The following HERC2 variants were observed in gnomAD, a reference collection of about 807,000 sequenced individuals.
HERC2 encodes E3 ubiquitin-protein ligase HERC2.
In HERC2, 102 loss-of-function variants were observed where a neutral mutation model predicts 537.7. That is an observed-to-expected ratio of 0.19 (90% CI 0.16 to 0.22). The LOEUF (loss-of-function observed/expected upper bound fraction) is 0.22. Ranked by LOEUF, HERC2 falls within the 10% of genes least tolerant of loss-of-function variation. The pLI is 1.00. For missense variants in HERC2, 4,236 were observed against 6,198.2 expected, an observed-to-expected ratio of 0.68 and a Z score of 10.63; for synonymous variants, 2,224 against 2,466.2, an observed-to-expected ratio of 0.90 and a Z score of 2.91.
At chr15:28,321,877 C>G (rs1290971418) in intron 1 of HERC2, among the ~76,000 whole-genome samples, 198 bp downstream of exon 1, 1 of 145,726 alleles carries the variant, frequency 6.9e-6, no homozygotes, top group Non-Finnish European at 1.5e-5. Context: ...AAAAATTACT[C>G]AAAAGGATCG....
rs748290132 is a variant in HERC2 at position 28,210,990 on chromosome 15, T to A, written c.7069+12A>T. The A allele has an allele frequency of 5.8e-5, 74 of 1,281,092 alleles. No homozygotes were observed. Among genetic ancestry groups the A allele is most frequent in the Middle Eastern group, 5.2e-4 (2 of 3,830 alleles). 79.4% of individuals were successfully genotyped at this position (1,281,092 alleles called of 1,614,324 possible). On this transcript the variant is annotated intron_variant, in intron 44 of 92. Coordinates refer to ENST00000261609, the MANE Select transcript of HERC2 (RefSeq NM_004667.6). ...CTTCTTATAAAGATTTAAGAACTTT[T>A]TAAAAAGACACCTGTGTGAACAGTT...
intron 2 of HERC2, among the ~76,000 whole-genome samples, chr15:28,315,099 G>T (rs371721852): frequency 6.6e-6 from 1 of 152,152 alleles, no homozygotes; most frequent in Non-Finnish European, 1.5e-5. Context: ...ACAACCAATT[G>T]TTCAGCCAGC....
At chr15:28,235,966 G>A (rs898807078) in intron 26 of HERC2, among the ~76,000 whole-genome samples, 3 of 152,186 alleles carry the variant, frequency 2.0e-5, no homozygotes, top group African/African-American at 7.2e-5. Context: ...TACAAAGGCT[G>A]CCATCCTGAA....
chr15:28,218,442 C>A, intron 38 of HERC2, 47 bp downstream of exon 38: 2 of 1,495,750 alleles, frequency 1.3e-6, no homozygotes, highest in South Asian at 2.3e-5. Context: ...CACAAGCGTG[C>A]GGCCCCCAGC....
At chr15:28,316,924 G>A (rs555652431) in intron 2 of HERC2, among the ~76,000 whole-genome samples, 8 of 146,866 alleles carry the variant, frequency 5.4e-5, no homozygotes, top group African/African-American at 1.8e-4. Context: ...CTACAGGCAC[G>A]TGCCACCACA....
chr15:28,127,193 G>A (rs915816643), intron 83 of HERC2, among the ~76,000 whole-genome samples: 5 of 152,220 alleles, frequency 3.3e-5, no homozygotes, highest in Admixed American at 6.5e-5. Context: ...AAAGCCACGA[G>A]GCGGGTGTCG....
rs1895441721 is a variant in HERC2, at chr15:28,177,805, A to T, written c.9164-296T>A. On this transcript the variant is annotated intron_variant, in intron 59 of 92. Transcript: ENST00000261609. The surrounding 1 kb of genome is among the most constrained non-coding windows in gnomAD (Gnocchi z 5.0). Reference sequence around the variant, plus strand: ...ATTATGTTAAATACACGAAAAATCAAAATTTAGATGAAAAAAGTAAAAATA... The same window carrying T: ...ATTATGTTAAATACACGAAAAATCATAATTTAGATGAAAAAAGTAAAAATA... Among the ~76,000 whole-genome samples, 1 of 152,244 alleles carries T rather than the reference A, an allele frequency of 6.6e-6. No individual in the cohort carries two copies. Among genetic ancestry groups the T allele is most frequent in the South Asian group, 2.1e-4 (1 of 4,824 alleles).
intron 4 of HERC2, among the ~76,000 whole-genome samples, chr15:28,283,059 A>G (rs1027207658): frequency 3.9e-5 from 5 of 127,736 alleles, no homozygotes; most frequent in African/African-American, 1.4e-4. Flanking sequence ...AAAAAAAAAA[A>G]CCAGTCTTGG....
At chr15:28,164,278 G>A (rs1893912840) in intron 68 of HERC2, among the ~76,000 whole-genome samples, 2 of 152,160 alleles carry the variant, frequency 1.3e-5, no homozygotes, top group Non-Finnish European at 1.5e-5. Flanking sequence ...GGGAAGGACA[G>A]CCCCACATGT....
chr15:28,183,715 C>T (rs1008897761), intron 56 of HERC2, among the ~76,000 whole-genome samples: 6 of 152,174 alleles, frequency 3.9e-5, no homozygotes, highest in African/African-American at 1.2e-4. Context: ...AGGCACCAGA[C>T]GGCTTCCAGA....
intron 2 of HERC2, chr15:28,320,291 T>G (rs2141339413): frequency 6.6e-6 from 1 of 152,366 alleles, no homozygotes; most frequent in African/African-American, 2.4e-5. Flanking sequence ...ATTTTGTATT[T>G]TTAGTAGAGA....
rs200702908 is a variant in HERC2 at position 28,132,683 on chromosome 15, G to A, written c.12378C>T (p.Ser4126=). The change falls in exon 80 of 93, where the codon AGC becomes AGT. Residue 4126 remains serine (S), a synonymous_variant. Transcript: ENST00000261609. ...GKGRYGRLGH[S]DSEDQLKPKL... is the part of the protein sequence containing the mutation. ...TCGGCTTCAGCTGGTCCTCACTGTC[G>A]CTGTGCCCCAGCCGGCCGTAGCGGC... The A allele has an allele frequency of 3.9e-5, 61 of 1,578,258 alleles. No individual in the cohort carries two copies. Among genetic ancestry groups the A allele is most frequent in the African/African-American group, 5.5e-5 (4 of 72,918 alleles).
chr15:28,140,533 G>C (rs1891112410), intron 78 of HERC2, among the ~76,000 whole-genome samples: 1 of 151,748 alleles, frequency 6.6e-6, no homozygotes, highest in East Asian at 1.9e-4. Flanking sequence ...ATCTTTTTTT[G>C]GGGGCGGAGA....
At chr15:28,286,116 G>C (rs1333628872) in intron 4 of HERC2, among the ~76,000 whole-genome samples, 1 of 151,856 alleles carries the variant, frequency 6.6e-6, no homozygotes, top group Admixed American at 6.6e-5. Context: ...AATTAACACG[G>C]ACTCAAAACA....
chr15:28,180,636 T>C (rs1895734387), intron 57 of HERC2, among the ~76,000 whole-genome samples: 1 of 151,988 alleles, frequency 6.6e-6, no homozygotes, highest in Non-Finnish European at 1.5e-5. Flanking sequence ...TGGGTACATC[T>C]GAACAGTTCC....
chr15:28,294,322 T>G (rs2076401546), intron 3 of HERC2, among the ~76,000 whole-genome samples: 1 of 150,762 alleles, frequency 6.6e-6, no homozygotes, highest in Admixed American at 6.6e-5. Flanking sequence ...CCAGGCAGAC[T>G]GAAGAATCTG....
chr15:28,253,514 C>G (rs2075151224), intron 20 of HERC2, among the ~76,000 whole-genome samples: 1 of 152,232 alleles, frequency 6.6e-6, no homozygotes, highest in African/African-American at 2.4e-5. Flanking sequence ...CACCCTCCAA[C>G]TTCTCCTCTC....
chr15:28,225,958 C>A (rs1901107274), intron 35 of HERC2, among the ~76,000 whole-genome samples: 2 of 152,128 alleles, frequency 1.3e-5, no homozygotes, highest in Admixed American at 6.5e-5. Context: ...AATTAAAAAT[C>A]TTTCAACAAA....
Position 28,113,465 on chromosome 15 carries a change from C to T in HERC2, c.14019+108G>A, listed in dbSNP as rs1595961624. On this transcript the variant is annotated intron_variant, in intron 91 of 92. Transcript: ENST00000261609. This position sits in a 1 kb window ranked among gnomAD's most constrained non-coding sequence, Gnocchi z 7.0. ...GAGGGACGCGCTCAGAGTGCACTCCCTTCAGTCAACACACAGGGCAAGGTT... is the reference window on the plus strand; with the variant it reads ...GAGGGACGCGCTCAGAGTGCACTCCTTTCAGTCAACACACAGGGCAAGGTT... The T allele has an allele frequency of 6.3e-6, 7 of 1,119,332 alleles. No homozygotes were observed. The highest frequency in any genetic ancestry group is 6.7e-6 in the Non-Finnish European group (5 of 750,154). The allele number at this position is 1,119,332 out of a possible 1,614,324, so 69.3% of individuals were successfully genotyped here.
Sources: gnomAD v4.1 joint callset for allele counts (sites outside exome capture counted in the v4.1 genomes callset) on GRCh38, gnomAD v4.1.1 for gene constraint, Gnocchi (gnomAD v3.1) non-coding constraint, MANE v1.5 for transcripts, NCBI Gene and HGNC (gene_info 2026-07-23, HGNC 2026-07-21) for gene names.